Variants in ZFYVE9 observed in about 807,000 individuals in gnomAD.
The protein encoded by ZFYVE9 is zinc finger FYVE-type containing 9.
Under a neutral mutation model 126.7 loss-of-function variants are expected in ZFYVE9, and 43 were observed. The ratio of observed to expected loss-of-function variants is 0.34; its 90% CI spans 0.27 to 0.44. The LOEUF (loss-of-function observed/expected upper bound fraction) is 0.44, where lower values mean the gene tolerates loss of function less well. Among genes scored for constraint, ZFYVE9 ranks in the 20% least tolerant of loss-of-function variants. The pLI, the probability that ZFYVE9 is intolerant of heterozygous loss-of-function variation, is 1.00. For synonymous variants in ZFYVE9, 521 were observed against 597.4 expected (o/e 0.87, Z 1.87); for missense variants, 1,476 against 1,697.0 (o/e 0.87, Z 2.29).
chr1:52,255,204 A>C (rs1645492099), intron 4 of ZFYVE9, among the ~76,000 whole-genome samples: 1 of 152,242 alleles, frequency 6.6e-6, no homozygotes. Context: ...ATATGAATAG[A>C]ACAGAATGCA....
intron 13 of ZFYVE9, among the ~76,000 whole-genome samples, chr1:52,315,251 G>A (rs938597612): frequency 5.3e-5 from 8 of 151,952 alleles, no homozygotes; most frequent in African/African-American, 1.9e-4. Context: ...AACAAAATGA[G>A]ACACCATCTT....
intron 2 of ZFYVE9, among the ~76,000 whole-genome samples, chr1:52,222,769 A>G (rs550325453): frequency 3.9e-4 from 60 of 152,262 alleles, no homozygotes; most frequent in African/African-American, 1.3e-3. Flanking sequence ...ATATGTCGGG[A>G]TGGATTTGGC....
At chr1:52,221,641 C>T (rs750530073) in intron 2 of ZFYVE9, among the ~76,000 whole-genome samples, 3 of 152,120 alleles carry the variant, frequency 2.0e-5, no homozygotes, top group Non-Finnish European at 4.4e-5. Flanking sequence ...GGGCCATCCA[C>T]GGGTTACGGG....
intron 4 of ZFYVE9, among the ~76,000 whole-genome samples, chr1:52,255,933 C>CTTTTCTTTTCTTTTCTTTTCTT (rs1334678447): frequency 8.1e-6 from 1 of 123,260 alleles, no homozygotes; most frequent in African/African-American, 4.0e-5. Context: ...CTTTTCTTTT[C>CTTTTCTTTTCTTTTCTTTTCTT]TTTTCTTTTC....
At chr1:52,282,832 T>G (rs1439319366) in intron 10 of ZFYVE9, among the ~76,000 whole-genome samples, 2 of 152,178 alleles carry the variant, frequency 1.3e-5, no homozygotes, top group Non-Finnish European at 2.9e-5. Flanking sequence ...TTTGAGAACT[T>G]TTTTTGGCCA....
At chr1:52,259,311 G>A (rs903426988) in intron 4 of ZFYVE9, among the ~76,000 whole-genome samples, 1 of 152,010 alleles carries the variant, frequency 6.6e-6, no homozygotes, top group African/African-American at 2.4e-5. Context: ...TTCAAATAAG[G>A]TCACATTCTA....
At chr1:52,240,774 C>T (rs1645325731) in intron 4 of ZFYVE9, among the ~76,000 whole-genome samples, 1 of 152,126 alleles carries the variant, frequency 6.6e-6, no homozygotes, top group Admixed American at 6.6e-5. Flanking sequence ...TCTTGGCACC[C>T]TCTTATCAGG....
chr1:52,200,809 A>G (rs1644916511), intron 1 of ZFYVE9, among the ~76,000 whole-genome samples: 2 of 152,068 alleles, frequency 1.3e-5, no homozygotes, highest in African/African-American at 2.4e-5. Flanking sequence ...TCAGCTGACT[A>G]TATTTGTGTG....
At position 52,346,336 on chromosome 1, in the gene ZFYVE9, G is replaced by T; in HGVS notation, c.*115G>T. 9.0e-7 allele frequency: 1 copy of T among 1,109,898 alleles called. No individual in the cohort carries two copies. Among genetic ancestry groups the T allele is most frequent in the East Asian group, 2.6e-5 (1 of 38,036 alleles). The allele number at this position is 1,109,898 out of a possible 1,614,324, so 68.8% of individuals were successfully genotyped here. A position where few individuals can be genotyped will look rare whatever the true frequency, so the allele number is the denominator to read the frequency against. On this transcript the variant is annotated 3_prime_UTR_variant, in exon 19 of 19. Coordinates refer to ENST00000287727, the MANE Select transcript of ZFYVE9 (RefSeq NM_004799.4). ...TTTTGTTAACACTATTAATGGGGTG[G>T]GGAATAGGGTGGGAGTGGGGGTTTG...
At chr1:52,317,655 G>A (rs1352250716) in intron 13 of ZFYVE9, among the ~76,000 whole-genome samples, 2 of 151,930 alleles carry the variant, frequency 1.3e-5, no homozygotes, top group East Asian at 1.9e-4. Flanking sequence ...GAAACCAAAA[G>A]CCAGTTCTTT....
intron 1 of ZFYVE9, among the ~76,000 whole-genome samples, chr1:52,173,891 CT>C (rs1205844147): frequency 3.3e-5 from 5 of 152,076 alleles, no homozygotes; most frequent in African/African-American, 7.2e-5. Context: ...ATTCTTCCCT[CT>C]TTTTTTCTTT....
chr1:52,255,977 T>TTTCC (rs1491109598), intron 4 of ZFYVE9, among the ~76,000 whole-genome samples: 1 of 135,290 alleles, frequency 7.4e-6, no homozygotes, highest in African/African-American at 3.3e-5. Flanking sequence ...TCTTTCTTTC[T>TTTCC]TTCTTTCCTT....
At chr1:52,181,723 C>T (rs1256998680) in intron 1 of ZFYVE9, among the ~76,000 whole-genome samples, 1 of 151,848 alleles carries the variant, frequency 6.6e-6, no homozygotes, top group Non-Finnish European at 1.5e-5. Flanking sequence ...TGGGGAGCGC[C>T]TCTGCCCCGC....
intron 1 of ZFYVE9, chr1:52,180,009 C>A (rs899042195): frequency 2.3e-6 from 2 of 878,244 alleles, no homozygotes; most frequent in Non-Finnish European, 2.0e-6. Context: ...GCTGGAGGAT[C>A]GTGAAGACAA....
At chr1:52,294,748 A>G (rs779063722) in intron 11 of ZFYVE9, among the ~76,000 whole-genome samples, 13 of 152,220 alleles carry the variant, frequency 8.5e-5, no homozygotes, top group African/African-American at 3.1e-4. Context: ...AAGGAGGCAT[A>G]TGAATCAGCT....
chr1:52,153,779 C>A (rs2124499407), intron 1 of ZFYVE9, among the ~76,000 whole-genome samples: 1 of 152,306 alleles, frequency 6.6e-6, no homozygotes, highest in South Asian at 2.1e-4. Context: ...GCCAGGACTT[C>A]TAACTCCGTA....
In ZFYVE9 at chr1:52,255,958, CTTTT is replaced by C. The variant is rs1557484123; in HGVS notation, c.2179-7814_2179-7811del. On this transcript the variant is annotated intron_variant, in intron 4 of 18. Transcript: ENST00000287727. ...CTTTTCTTTTCTTTTCTTTTCTTTT[CTTTT>C]CTTTTCTTTCTTTCTTTCTTTCCTT... is the stretch of plus-strand genomic sequence containing the variant. 1.4e-3 allele frequency among the ~76,000 whole-genome samples: 119 copies of C among 83,272 alleles called. 1 individual carries two copies. The highest frequency in any genetic ancestry group is 0.011 in the Middle Eastern group (2 of 176). 54.6% of individuals were successfully genotyped at this position (83,272 alleles called of 152,430 possible).
At position 52,150,989 on chromosome 1, in the gene ZFYVE9, C is replaced by CTT. The variant is rs57055558; in HGVS notation, c.-143+8602_-143+8603dup. ...TTTTTGTGATTCTGGTGATAATTGTCTTTTTTTTTTTTTTTTTAGTAGTAG... is the reference window on the plus strand; with the variant it reads ...TTTTTGTGATTCTGGTGATAATTGTCTTTTTTTTTTTTTTTTTTTAGTAGTAG... On this transcript the variant is annotated intron_variant, in intron 1 of 18. Coordinates refer to ENST00000287727, the MANE Select transcript of ZFYVE9 (RefSeq NM_004799.4). 3.2e-3 allele frequency among the ~76,000 whole-genome samples: 410 copies of CTT among 127,606 alleles called. 5 individuals are homozygous for CTT. The highest frequency in any genetic ancestry group is 0.011 in the African/African-American group (382 of 35,102). The allele number at this position is 127,606 out of a possible 152,430, so 83.7% of individuals were successfully genotyped here. A position where few individuals can be genotyped will look rare whatever the true frequency, so the allele number is the denominator to read the frequency against.
chr1:52,303,468 G>A (rs1646054163), intron 12 of ZFYVE9, among the ~76,000 whole-genome samples: 2 of 152,188 alleles, frequency 1.3e-5, no homozygotes, highest in Admixed American at 1.3e-4. Context: ...GATATAGCAA[G>A]AACAACACAA....
Sources: gnomAD v4.1 joint callset for allele counts (sites outside exome capture counted in the v4.1 genomes callset) on GRCh38, gnomAD v4.1.1 for gene constraint, MANE v1.5 for transcripts, NCBI Gene and HGNC (gene_info 2026-07-23, HGNC 2026-07-21) for gene names.